RCSD1: variants seen among roughly 807,000 people sequenced by gnomAD.
RCSD1 encodes the protein RCSD domain containing 1.
In RCSD1, 26 loss-of-function variants were observed where a neutral mutation model predicts 42.5. That is an observed-to-expected ratio of 0.61 (90% CI 0.45 to 0.85). The LOEUF is 0.85. Ranked by LOEUF, RCSD1 falls within the 40% of genes least tolerant of loss-of-function variation. The pLI, the probability that RCSD1 is intolerant of heterozygous loss-of-function variation, is 0.00. For synonymous variants in RCSD1, 220 were observed against 212.2 expected, an observed-to-expected ratio of 1.04 and a Z score of -0.32; for missense variants, 571 against 528.3, an observed-to-expected ratio of 1.08 and a Z score of -0.79.
At chr1:167,671,957 G>A (rs540303755) in intron 1 of RCSD1, among the ~76,000 whole-genome samples, 17 of 152,314 alleles carry the variant, frequency 1.1e-4, no homozygotes, top group African/African-American at 3.6e-4. Context: ...GGCTTGGCCA[G>A]TTTGTTACTT....
chr1:167,680,109 G>A (rs189929875), intron 1 of RCSD1, among the ~76,000 whole-genome samples: 9 of 152,196 alleles, frequency 5.9e-5, no homozygotes, highest in East Asian at 1.9e-4. Context: ...GGAGGGCTTC[G>A]TAAGCAAGAC....
rs563398130 is a variant in RCSD1 at position 167,656,788 on chromosome 1, T to C, written c.6+26359T>C. ...TGGAAACAAGCTACAAAGCTGGGCC[T>C]GGATGAAAATGGGTCTTGCACATTG... On this transcript the variant is annotated intron_variant, in intron 1 of 6. Coordinates refer to ENST00000367854, the MANE Select transcript of RCSD1 (RefSeq NM_052862.4). Among the ~76,000 whole-genome samples the C allele has an allele frequency of 2.6e-3, 399 of 152,352 alleles. 2 individuals carry two copies. Among genetic ancestry groups the C allele is most frequent in the African/African-American group, 9.4e-3 (389 of 41,570 alleles).
chr1:167,639,291 G>A (rs1432919030), intron 1 of RCSD1, among the ~76,000 whole-genome samples: 6 of 152,104 alleles, frequency 3.9e-5, no homozygotes, highest in African/African-American at 1.4e-4. Context: ...AGCACACTAG[G>A]ACGCCTTTGA....
chr1:167,655,014 C>T lies in RCSD1; in HGVS notation c.6+24585C>T, dbSNP rs549792908. On this transcript the variant is annotated intron_variant, in intron 1 of 6. Coordinates refer to ENST00000367854, the MANE Select transcript of RCSD1 (RefSeq NM_052862.4). ...AGATGGGCCTGTCATTGCTGCACTT[C>T]ATGGCTCCCAGGGACTGACTTCCTG... Among the ~76,000 whole-genome samples the T allele has an allele frequency of 5.9e-5, 9 of 152,278 alleles. No individual in the cohort carries two copies. In the South Asian group the frequency reaches 1.9e-3, roughly 32 times the overall value.
chr1:167,631,136 G>A (rs1216283402), intron 1 of RCSD1, among the ~76,000 whole-genome samples: 11 of 152,312 alleles, frequency 7.2e-5, no homozygotes, highest in Non-Finnish European at 4.4e-5. Flanking sequence ...GGGAGGCCCC[G>A]CACTTCTCTG....
At chr1:167,649,732 T>C (rs1658257646) in intron 1 of RCSD1, among the ~76,000 whole-genome samples, 1 of 152,128 alleles carries the variant, frequency 6.6e-6, no homozygotes, top group Admixed American at 6.5e-5. Flanking sequence ...AGGAGGATCC[T>C]TCCTCACAGG....
chr1:167,680,651 T>G (rs573052001), intron 1 of RCSD1, among the ~76,000 whole-genome samples: 1 of 152,104 alleles, frequency 6.6e-6, no homozygotes, highest in East Asian at 1.9e-4. Context: ...AGGCTAATAT[T>G]GTATACAGAT....
chr1:167,658,631 A>G (rs1385148654), intron 1 of RCSD1, among the ~76,000 whole-genome samples: 2 of 151,658 alleles, frequency 1.3e-5, no homozygotes, highest in Non-Finnish European at 2.9e-5. Flanking sequence ...GAGTTCCACC[A>G]TATTGGCCAG....
At chr1:167,701,077 C>T (rs1026772921) in intron 6 of RCSD1, among the ~76,000 whole-genome samples, 2 of 152,132 alleles carry the variant, frequency 1.3e-5, no homozygotes, top group Admixed American at 6.5e-5. Context: ...CCAACAGAGC[C>T]TTGGGCAGGG....
intron 1 of RCSD1, among the ~76,000 whole-genome samples, chr1:167,637,943 A>G (rs939090505): frequency 6.6e-6 from 1 of 152,216 alleles, no homozygotes; most frequent in Non-Finnish European, 1.5e-5. Flanking sequence ...GCCCAAACCC[A>G]GTAAGCAGTG....
intron 1 of RCSD1, among the ~76,000 whole-genome samples, chr1:167,656,603 A>G (rs1018826357): frequency 6.6e-6 from 1 of 152,204 alleles, no homozygotes. Flanking sequence ...ACCCAATGTA[A>G]CACAGGTAGA....
At chr1:167,632,657 G>T (rs552434517) in intron 1 of RCSD1, among the ~76,000 whole-genome samples, 496 of 152,252 alleles carry the variant, frequency 3.3e-3, no homozygotes, top group Non-Finnish European at 5.0e-3. Flanking sequence ...AGCTCAGCCA[G>T]CCAGAAGCCT....
intron 1 of RCSD1, among the ~76,000 whole-genome samples, chr1:167,675,412 C>T (rs776832795): frequency 7.2e-5 from 11 of 152,074 alleles, no homozygotes; most frequent in Non-Finnish European, 1.6e-4. Flanking sequence ...CATCAGATTT[C>T]ATGAGACTTA....
chr1:167,644,053 C>G (rs563739286), intron 1 of RCSD1, among the ~76,000 whole-genome samples: 21 of 152,244 alleles, frequency 1.4e-4, no homozygotes, highest in African/African-American at 5.1e-4. Context: ...AATGCTGGAA[C>G]AGTATCCCAC....
chr1:167,630,456 G>A, intron 1 of RCSD1, 27 bp downstream of exon 1: 1 of 1,530,676 alleles, frequency 6.5e-7, no homozygotes, highest in Non-Finnish European at 8.8e-7. Flanking sequence ...GGAGACGCGG[G>A]GCTGAGCGGT....
chr1:167,676,751 T>C (rs1658962107), intron 1 of RCSD1, among the ~76,000 whole-genome samples: 1 of 152,170 alleles, frequency 6.6e-6, no homozygotes, highest in African/African-American at 2.4e-5. Flanking sequence ...GACCCCCACC[T>C]GGAGGACCCT....
intron 1 of RCSD1, among the ~76,000 whole-genome samples, chr1:167,674,297 G>A (rs1461612823): frequency 6.6e-6 from 1 of 152,186 alleles, no homozygotes; most frequent in Non-Finnish European, 1.5e-5. Flanking sequence ...GTCTGCAGCT[G>A]CAAGGCATGC....
chr1:167,639,566 C>A (rs1657953626), intron 1 of RCSD1, among the ~76,000 whole-genome samples: 1 of 152,048 alleles, frequency 6.6e-6, no homozygotes, highest in Non-Finnish European at 1.5e-5. Flanking sequence ...AATCTCGGCT[C>A]ACTGCAACCT....
intron 1 of RCSD1, among the ~76,000 whole-genome samples, chr1:167,639,024 T>C (rs1371326457): frequency 2.0e-5 from 3 of 152,164 alleles, no homozygotes; most frequent in Admixed American, 6.5e-5. Flanking sequence ...GAGACCATCC[T>C]GGCTAACACG....
Sources: allele counts gnomAD v4.1 joint callset (sites outside exome capture counted in the v4.1 genomes callset), GRCh38; gene constraint gnomAD v4.1.1; transcripts MANE v1.5; gene names NCBI Gene and HGNC (gene_info 2026-07-23, HGNC 2026-07-21).